AVPR1A: variants seen among roughly 807,000 people sequenced by gnomAD.
The protein encoded by AVPR1A is vasopressin V1a receptor.
AVPR1A carries 31 observed loss-of-function variants against 31.5 expected under a neutral mutation model. That is an observed-to-expected ratio of 0.99 (90% CI 0.74 to 1.33). The LOEUF is 1.33. AVPR1A is among the 40% of genes most tolerant of loss of function. The probability of loss-of-function intolerance (pLI) is 0.00; values close to 1 mark genes in which losing one functional copy is unlikely to be tolerated. For synonymous variants in AVPR1A, 243 were observed against 233.2 expected, an observed-to-expected ratio of 1.04 and a Z score of -0.38; for missense variants, 570 against 575.2, an observed-to-expected ratio of 0.99 and a Z score of 0.09.
Position 63,151,053 on chromosome 12 carries a change from C to A in AVPR1A, c.-217G>T. 1 of 611,936 alleles carries A rather than the reference C, an allele frequency of 1.6e-6. No individual in the cohort carries two copies. The highest frequency in any genetic ancestry group is 3.5e-5 in the Admixed American group (1 of 28,770). 37.9% of individuals were successfully genotyped at this position (611,936 alleles called of 1,614,324 possible). A position where few individuals can be genotyped will look rare whatever the true frequency, so the allele number is the denominator to read the frequency against. On this transcript the variant is annotated 5_prime_UTR_variant, in exon 1 of 2. Transcript: ENST00000299178. ...CTCAGCAGGGTGAGCTGGCCCCTCT[C>A]CCTGCTCTGCCTTTTTTCAACTTCG... is the stretch of plus-strand genomic sequence containing the variant.
rs2120743449 is a variant in AVPR1A at position 63,144,913 on chromosome 12, C to T, written c.*2446G>A. 1 of 152,746 alleles carries T rather than the reference C, an allele frequency of 6.5e-6. No homozygotes were observed. The highest frequency in any genetic ancestry group is 2.1e-4 in the South Asian group (1 of 4,848). The allele number at this position is 152,746 out of a possible 1,614,324, so 9.5% of individuals were successfully genotyped here. A position where few individuals can be genotyped will look rare whatever the true frequency, so the allele number is the denominator to read the frequency against. On this transcript the variant is annotated 3_prime_UTR_variant, in exon 2 of 2. Coordinates refer to ENST00000299178, the MANE Select transcript of AVPR1A (RefSeq NM_000706.5). ...TTTTGTGAGCTGTTCTCAGAAATAA[C>T]ATTCAAATTGAATTGTTTTGCTTGG... is the stretch of plus-strand genomic sequence containing the variant.
At chr12:63,149,465 GA>G (rs1251682783) in intron 1 of AVPR1A, among the ~76,000 whole-genome samples, 1 of 152,102 alleles carries the variant, frequency 6.6e-6, no homozygotes, top group Non-Finnish European at 1.5e-5. Flanking sequence ...CAATAGACCT[GA>G]AATGGTGTTA....
Position 63,150,848 on chromosome 12 carries a change from A to T in AVPR1A, c.-12T>A. ...GCGGAGAGACGCATGCTGTCCATGC[A>T]GCTCCTACTCGGCCCTCTTCGGAGC... On this transcript the variant is annotated 5_prime_UTR_variant, in exon 1 of 2. Transcript: ENST00000299178. The surrounding 1 kb of genome is among the most constrained non-coding windows in gnomAD (Gnocchi z 4.9). 6.4e-7 allele frequency: 1 copy of T among 1,558,726 alleles called. No individual in the cohort carries two copies. The highest frequency in any genetic ancestry group is 8.6e-7 in the Non-Finnish European group (1 of 1,161,054).
In AVPR1A at chr12:63,150,980, C is replaced by G; in HGVS notation, c.-144G>C. On this transcript the variant is annotated 5_prime_UTR_variant, in exon 1 of 2. Coordinates refer to ENST00000299178, the MANE Select transcript of AVPR1A (RefSeq NM_000706.5). The surrounding 1 kb of genome is among the most constrained non-coding windows in gnomAD (Gnocchi z 4.9). The stretch of plus-strand genomic sequence containing the variant: ...CAGCTTGCCGGGCTCTGCGATCCCT[C>G]CAGTGGGCGTCTCCCGGAGCAGCGT... The G allele has an allele frequency of 8.1e-7, 1 of 1,239,728 alleles. No homozygotes were observed. Among genetic ancestry groups the G allele is most frequent in the African/African-American group, 1.5e-5 (1 of 65,690 alleles). The allele number at this position is 1,239,728 out of a possible 1,614,324, so 76.8% of individuals were successfully genotyped here.
intron 1 of AVPR1A, among the ~76,000 whole-genome samples, 165 bp downstream of exon 1, chr12:63,149,702 T>C (rs1592332823): frequency 6.6e-6 from 1 of 151,652 alleles, no homozygotes; most frequent in African/African-American, 2.4e-5. Context: ...GACTCTTATG[T>C]ACACATAGAA....
intron 1 of AVPR1A, 59 bp downstream of exon 1, chr12:63,149,798 TCACACACACA>T: frequency 3.2e-6 from 3 of 935,920 alleles, no homozygotes; most frequent in Non-Finnish European, 4.3e-6. Flanking sequence ...TCTCTCTCTC[TCACACACACA>T]CACACACACA....
chr12:63,149,782 T>A lies in AVPR1A; in HGVS notation c.970+85A>T, dbSNP rs1456598193. The A allele has an allele frequency of 9.9e-5, 141 of 1,420,312 alleles. No individual in the cohort carries two copies. In the African/African-American group the frequency reaches 2.4e-3, roughly 25 times the overall value. 88.0% of individuals were successfully genotyped at this position (1,420,312 alleles called of 1,614,324 possible). On this transcript the variant is annotated intron_variant, in intron 1 of 1. Coordinates refer to ENST00000299178, the MANE Select transcript of AVPR1A (RefSeq NM_000706.5). ...AGATTCTCATTTTTTTCTCTCTCTC[T>A]CTCTCTCTCTCTCTCTCACACACAC...
In AVPR1A at chr12:63,149,762, CTCAT is replaced by C. The variant is rs1413335199; in HGVS notation, c.970+101_970+104del. ...ATACTATGAAGAAAATTGCTAGATT[CTCAT>C]TTTTTTCTCTCTCTCTCTCTCTCTC... On this transcript the variant is annotated intron_variant, in intron 1 of 1. Coordinates refer to ENST00000299178, the MANE Select transcript of AVPR1A (RefSeq NM_000706.5). The C allele has an allele frequency of 5.8e-6, 8 of 1,384,530 alleles. No individual in the cohort carries two copies. The Admixed American group carries it at 1.5e-4, about 26-fold the overall frequency. The allele number at this position is 1,384,530 out of a possible 1,614,324, so 85.8% of individuals were successfully genotyped here.
At position 63,146,505 on chromosome 12, in the gene AVPR1A, G is replaced by C. The variant is rs1221811955; in HGVS notation, c.*854C>G. On this transcript the variant is annotated 3_prime_UTR_variant, in exon 2 of 2. Coordinates refer to ENST00000299178, the MANE Select transcript of AVPR1A (RefSeq NM_000706.5). ...TAGCACAGGATACCCTTGTAACACT[G>C]ATCAAAATACGTTTACAATGTCCAA... is the stretch of plus-strand genomic sequence containing the variant. 1 of 152,190 alleles carries C rather than the reference G, an allele frequency of 6.6e-6. No individual in the cohort carries two copies. Among genetic ancestry groups the C allele is most frequent in the African/African-American group, 2.4e-5 (1 of 41,452 alleles). The allele number at this position is 152,190 out of a possible 1,614,324, so 9.4% of individuals were successfully genotyped here.
rs181053969 is a variant in AVPR1A, at chr12:63,150,267, G to C, written c.570C>G (p.Ser190=). The change falls in exon 1 of 2, where the codon TCC becomes TCG. Residue 190 remains serine, a synonymous_variant. Transcript: ENST00000299178. The surrounding 1 kb of genome is among the most constrained non-coding windows in gnomAD (Gnocchi z 4.9). ...VLSTPQYFVF[S]MIEVNNVTKA... ...TGGTGACATTGTTCACCTCGATCAT[G>C]GAGAAGACGAAGTACTGCGGCGTGC... 7.2e-5 allele frequency: 116 copies of C among 1,613,928 alleles called. No individual in the cohort carries two copies. Among genetic ancestry groups the C allele is most frequent in the Admixed American group, 6.7e-4 (40 of 60,032 alleles).
Position 63,150,913 on chromosome 12 carries a change from C to T in AVPR1A, c.-77G>A. Reference sequence around the variant, plus strand: ...GCCGCTCCCTCCCCGTCTCGGAGGACTTGGGCTCCTCGTCCGAAGCGCAGG... The same window carrying T: ...GCCGCTCCCTCCCCGTCTCGGAGGATTTGGGCTCCTCGTCCGAAGCGCAGG... On this transcript the variant is annotated 5_prime_UTR_variant, in exon 1 of 2. Transcript: ENST00000299178. The surrounding 1 kb of genome is among the most constrained non-coding windows in gnomAD (Gnocchi z 4.9). The T allele has an allele frequency of 1.4e-6, 2 of 1,440,676 alleles. No individual in the cohort carries two copies. Among genetic ancestry groups the T allele is most frequent in the Non-Finnish European group, 1.8e-6 (2 of 1,103,710 alleles). The allele number at this position is 1,440,676 out of a possible 1,614,324, so 89.2% of individuals were successfully genotyped here.
Position 63,144,130 on chromosome 12 carries a change from C to G in AVPR1A, c.*3229G>C, listed in dbSNP as rs1424295038. ...TAGTATTTTTTTCTCTAAAACCATACCCTTCCCGAAATCATGGCATAAGAC... is the reference window on the plus strand; with the variant it reads ...TAGTATTTTTTTCTCTAAAACCATAGCCTTCCCGAAATCATGGCATAAGAC... On this transcript the variant is annotated 3_prime_UTR_variant, in exon 2 of 2. Coordinates refer to ENST00000299178, the MANE Select transcript of AVPR1A (RefSeq NM_000706.5). 1 of 152,092 alleles carries G rather than the reference C, an allele frequency of 6.6e-6. No individual in the cohort carries two copies. The highest frequency in any genetic ancestry group is 1.5e-5 in the Non-Finnish European group (1 of 68,032). The allele number at this position is 152,092 out of a possible 1,614,324, so 9.4% of individuals were successfully genotyped here. A position where few individuals can be genotyped will look rare whatever the true frequency, so the allele number is the denominator to read the frequency against.
rs1351563623 is a variant in AVPR1A, at chr12:63,149,435, T to C, written c.970+432A>G. Among the ~76,000 whole-genome samples the C allele has an allele frequency of 2.0e-5, 3 of 152,178 alleles. No homozygotes were observed. The East Asian group carries it at 5.8e-4, about 29-fold the overall frequency. ...ATCCAACAAAAAGCAGTTGTGACAGTAAAAATATTTCCCTGAATCCAATAG... is the reference window on the plus strand; with the variant it reads ...ATCCAACAAAAAGCAGTTGTGACAGCAAAAATATTTCCCTGAATCCAATAG... On this transcript the variant is annotated intron_variant, in intron 1 of 1. Coordinates refer to ENST00000299178, the MANE Select transcript of AVPR1A (RefSeq NM_000706.5).
rs1400774937 is a variant in AVPR1A at position 63,144,978 on chromosome 12, TG to T, written c.*2380del. On this transcript the variant is annotated 3_prime_UTR_variant, in exon 2 of 2. Coordinates refer to ENST00000299178, the MANE Select transcript of AVPR1A (RefSeq NM_000706.5). ...ATTTTGAAGCAAGATCTATAGGTTC[TG>T]AGGTTCTTACTTTGGAAATGGATTT... The T allele has an allele frequency of 6.6e-6, 1 of 152,508 alleles. No homozygotes were observed. Among genetic ancestry groups the T allele is most frequent in the Non-Finnish European group, 1.5e-5 (1 of 68,364 alleles). The allele number at this position is 152,508 out of a possible 1,614,324, so 9.4% of individuals were successfully genotyped here. A position where few individuals can be genotyped will look rare whatever the true frequency, so the allele number is the denominator to read the frequency against.
Position 63,150,335 on chromosome 12 carries a change from G to T in AVPR1A, c.502C>A (p.Arg168Ser), listed in dbSNP as rs748519112. The part of the protein sequence containing the change: ...KTLQQPARRS[R>S]LMIAAAWVLS... ...ACCCAGGCGGCCGCGATCATGAGGCGCGAGCGGCGCGCGGGCTGTTGCAGA... is the reference window on the plus strand; with the variant it reads ...ACCCAGGCGGCCGCGATCATGAGGCTCGAGCGGCGCGCGGGCTGTTGCAGA... The change falls in exon 1 of 2, where the codon CGC becomes AGC. Residue 168 changes from arginine to serine, a missense_variant. Transcript: ENST00000299178. This position sits in a 1 kb window ranked among gnomAD's most constrained non-coding sequence, Gnocchi z 4.9. The T allele has an allele frequency of 5.6e-6, 9 of 1,613,764 alleles. No homozygotes were observed. Among genetic ancestry groups the T allele is most frequent in the Non-Finnish European group, 5.9e-6 (7 of 1,180,030 alleles).
rs1868348694 is a variant in AVPR1A, at chr12:63,145,253, A to G, written c.*2106T>C. 1 of 402,922 alleles carries G rather than the reference A, an allele frequency of 2.5e-6. No homozygotes were observed. Among genetic ancestry groups the G allele is most frequent in the Non-Finnish European group, 4.8e-6 (1 of 209,340 alleles). 25.0% of individuals were successfully genotyped at this position (402,922 alleles called of 1,614,324 possible). A position where few individuals can be genotyped will look rare whatever the true frequency, so the allele number is the denominator to read the frequency against. Reference sequence around the variant, plus strand: ...CCTAGGTTTATAATCTCTATAAAGCATTTGGAAACATGTTTTTAGGCCTAT... The same window carrying G: ...CCTAGGTTTATAATCTCTATAAAGCGTTTGGAAACATGTTTTTAGGCCTAT... On this transcript the variant is annotated 3_prime_UTR_variant, in exon 2 of 2. Coordinates refer to ENST00000299178, the MANE Select transcript of AVPR1A (RefSeq NM_000706.5).
At chr12:63,148,893 C>A (rs1218389672) in intron 1 of AVPR1A, among the ~76,000 whole-genome samples, 2 of 152,126 alleles carry the variant, frequency 1.3e-5, no homozygotes, top group Non-Finnish European at 2.9e-5. Context: ...ATTCTGGTAA[C>A]AACTGTACCA....
chr12:63,147,717 A>G, intron 1 of AVPR1A, 72 bp from the exon 2 acceptor site: 1 of 1,461,646 alleles, frequency 6.8e-7, no homozygotes, highest in Non-Finnish European at 9.4e-7. Context: ...TCTATTAACT[A>G]ATTAAGAAGG....
chr12:63,151,015 C>T lies in AVPR1A; in HGVS notation c.-179G>A. 1.1e-6 allele frequency: 1 copy of T among 915,694 alleles called. No homozygotes were observed. The highest frequency in any genetic ancestry group is 1.6e-6 in the Non-Finnish European group (1 of 628,726). The allele number at this position is 915,694 out of a possible 1,614,324, so 56.7% of individuals were successfully genotyped here. A position where few individuals can be genotyped will look rare whatever the true frequency, so the allele number is the denominator to read the frequency against. On this transcript the variant is annotated 5_prime_UTR_variant, in exon 1 of 2. Transcript: ENST00000299178. The stretch of plus-strand genomic sequence containing the variant: ...TCTCCCGGAGCAGCGTCCCGCCTGC[C>T]CACTGAGCAGCTCTCAGCAGGGTGA...
Sources: allele counts gnomAD v4.1 joint callset (sites outside exome capture counted in the v4.1 genomes callset), GRCh38; gene constraint gnomAD v4.1.1; non-coding constraint Gnocchi (gnomAD v3.1); transcripts MANE v1.5; gene names NCBI Gene and HGNC (gene_info 2026-07-23, HGNC 2026-07-21).